Variants in FAT2 observed in about 807,000 individuals in gnomAD.
FAT2 encodes the protein protocadherin Fat 2.
A neutral mutation model predicts 295.3 loss-of-function variants in FAT2; 150 were observed. That is an observed-to-expected ratio of 0.51 (90% confidence interval 0.44 to 0.58). The LOEUF (loss-of-function observed/expected upper bound fraction) is 0.58. Among genes scored for constraint, FAT2 ranks in the 20% least tolerant of loss-of-function variants. The pLI is 0.00. For missense variants in FAT2, 4,868 were observed against 5,442.7 expected, an observed-to-expected ratio of 0.89 and a Z score of 3.32; for synonymous variants, 2,026 against 2,150.3, an observed-to-expected ratio of 0.94 and a Z score of 1.60.
Position 151,521,625 on chromosome 5 carries a change from G to A in FAT2, c.10968C>T (p.Ser3656=), listed in dbSNP as rs756429685. The part of the protein sequence containing the change: ...DHWRNLQRFL[S]HKLDIKRANI... ...TAGCCCGTTTGATGTCCAGCTTATG[G>A]CTGAGGAACCTCTGCAGGTTCCGCC... Residue 3656 remains serine (S), a synonymous_variant, in exon 19 of 24, where the codon AGC becomes AGT. Coordinates refer to ENST00000261800, the MANE Select transcript of FAT2 (RefSeq NM_001447.3). 3.7e-6 allele frequency: 6 copies of A among 1,614,022 alleles called. No homozygotes were observed. In the African/African-American group the frequency reaches 8.0e-5, roughly 22 times the overall value.
intron 1 of FAT2, among the ~76,000 whole-genome samples, chr5:151,570,478 C>A (rs986571352): frequency 3.9e-5 from 6 of 152,216 alleles, no homozygotes; most frequent in Admixed American, 6.5e-5. Flanking sequence ...TCTTGTTGAA[C>A]TGATCATGAA....
chr5:151,524,826 A>G (rs1483790952), intron 18 of FAT2, among the ~76,000 whole-genome samples: 1 of 151,954 alleles, frequency 6.6e-6, no homozygotes, highest in Non-Finnish European at 1.5e-5. Flanking sequence ...TCTCCTGCCC[A>G]CTTTTCACAT....
chr5:151,545,879 C>A lies in FAT2; in HGVS notation c.5248G>T (p.Asp1750Tyr), dbSNP rs2127613309. 2 of 1,614,194 alleles carry A rather than the reference C, an allele frequency of 1.2e-6. No homozygotes were observed. The highest frequency in any genetic ancestry group is 1.7e-6 in the Non-Finnish European group (2 of 1,180,040). The stretch of plus-strand genomic sequence containing the variant: ...AACATAGGAGCATTGTCATTTTCAT[C>A]AATTATGTCAACCACCACCATGACA... ...TDVMVVVDIIDENDNAPMFLK... is the reference protein window; with the variant it reads ...TDVMVVVDIIYENDNAPMFLK... Residue 1750 changes from aspartate (D) to tyrosine (Y), a missense_variant, in exon 10 of 24, where the codon GAT (aspartate) becomes TAT (tyrosine). Transcript: ENST00000261800.
In FAT2 at chr5:151,512,663, T is replaced by TA. The variant is rs1314999184; in HGVS notation, c.11464-58dup. The TA allele has an allele frequency of 7.0e-7, 1 of 1,438,514 alleles. No homozygotes were observed. Among genetic ancestry groups the TA allele is most frequent in the African/African-American group, 1.4e-5 (1 of 70,184 alleles). 89.1% of individuals were successfully genotyped at this position (1,438,514 alleles called of 1,614,324 possible). On this transcript the variant is annotated intron_variant, in intron 20 of 23. Transcript: ENST00000261800. The surrounding 1 kb of genome is among the most constrained non-coding windows in gnomAD (Gnocchi z 4.1). ...AGCCAAGGAGTCCTTGTAAACCTGC[T>TA]AAGAGGCTGCCAGTTCAAAGAATGT...
Position 151,568,242 on chromosome 5 carries a change from G to A in FAT2, c.690C>T (p.Ile230=). The change falls in exon 2 of 24, where the codon ATC becomes ATT. Residue 230 remains isoleucine, a synonymous_variant. Coordinates refer to ENST00000261800, the MANE Select transcript of FAT2 (RefSeq NM_001447.3). ...GGCTGCCAAACCCATTGCCCTCAGAGATTTTCCGCATGCGGTCCACAGCTA... is the reference window on the plus strand; with the variant it reads ...GGCTGCCAAACCCATTGCCCTCAGAAATTTTCCGCATGCGGTCCACAGCTA... ...QVLAVDRMRK[I]SEGNGFGSLA... 1.9e-6 allele frequency: 3 copies of A among 1,614,124 alleles called. No individual in the cohort carries two copies. The highest frequency in any genetic ancestry group is 1.1e-5 in the South Asian group (1 of 91,078).
At position 151,542,892 on chromosome 5, in the gene FAT2, G is replaced by A; in HGVS notation, c.8235C>T (p.Asp2745=). ...GCTTCCTCACCTTTATGACCCCTGT[G>A]TCTGGGTCTAGGGAGAAGACACCAT... ...NKDGVFSLDP[D]TGVIKVRKPM... is the part of the protein sequence containing the mutation. The change falls in exon 10 of 24, where the codon GAC becomes GAT. Residue 2745 remains aspartate, a synonymous_variant. Transcript: ENST00000261800. 6.2e-7 allele frequency: 1 copy of A among 1,614,158 alleles called. No individual in the cohort carries two copies. The highest frequency in any genetic ancestry group is 2.2e-5 in the East Asian group (1 of 44,880).
chr5:151,575,689 G>A (rs760335236), intron 1 of FAT2, among the ~76,000 whole-genome samples: 5 of 152,152 alleles, frequency 3.3e-5, no homozygotes, highest in Admixed American at 6.5e-5. Flanking sequence ...TCGTCTAGTA[G>A]GTGATGGATG....
At position 151,531,241 on chromosome 5, in the gene FAT2, C is replaced by T. The variant is rs1754559193; in HGVS notation, c.9811+346G>A. Among the ~76,000 whole-genome samples, 1 of 152,190 alleles carries T rather than the reference C, an allele frequency of 6.6e-6. No homozygotes were observed. The highest frequency in any genetic ancestry group is 6.5e-5 in the Admixed American group (1 of 15,284). On this transcript the variant is annotated intron_variant, in intron 14 of 23. Transcript: ENST00000261800. This position sits in a 1 kb window ranked among gnomAD's most constrained non-coding sequence, Gnocchi z 5.7. Reference sequence around the variant, plus strand: ...AAGCCCCAGATTCCAGCAAGGGCTCCCTGCCTCTGCAGCCAAGCCGTTTCT... The same window carrying T: ...AAGCCCCAGATTCCAGCAAGGGCTCTCTGCCTCTGCAGCCAAGCCGTTTCT...
In FAT2 at chr5:151,521,486, T is replaced by G; in HGVS notation, c.11107A>C (p.Ile3703Leu). ...TCCATCTCCTTGGCTGAGTGAGTGATGATGGATGCTAGCTCCTGAAACTCG... is the reference window on the plus strand; with the variant it reads ...TCCATCTCCTTGGCTGAGTGAGTGAGGATGGATGCTAGCTCCTGAAACTCG... ...FYEFQELASI[I>L]THSAKEMEHS... Residue 3703 changes from isoleucine to leucine, a missense_variant, in exon 19 of 24, where the codon ATC becomes CTC. Ile to Leu is a conservative substitution (Grantham distance 5). Around this residue, in one of 5 missense-constraint regions of FAT2, gnomAD observed 1,046 missense variants for 1,210.1 expected, o/e 0.86. Coordinates refer to ENST00000261800, the MANE Select transcript of FAT2 (RefSeq NM_001447.3). 6.2e-7 allele frequency: 1 copy of G among 1,614,236 alleles called. No individual in the cohort carries two copies. The highest frequency in any genetic ancestry group is 1.7e-5 in the Admixed American group (1 of 60,034).
At position 151,567,530 on chromosome 5, in the gene FAT2, C is replaced by T. The variant is rs762775880; in HGVS notation, c.1402G>A (p.Asp468Asn). ...FNRSSYDGTLDENIPPGTSVL... is the reference protein window; with the variant it reads ...FNRSSYDGTLNENIPPGTSVL... Reference sequence around the variant, plus strand: ...CTGGTGCCTGGAGGGATGTTCTCATCCAAGGTACCATCATAGGAAGACCTG... The same window carrying T: ...CTGGTGCCTGGAGGGATGTTCTCATTCAAGGTACCATCATAGGAAGACCTG... Residue 468 changes from aspartate to asparagine, a missense_variant, in exon 2 of 24, where the codon GAT becomes AAT. Coordinates refer to ENST00000261800, the MANE Select transcript of FAT2 (RefSeq NM_001447.3). 6.2e-7 allele frequency: 1 copy of T among 1,614,090 alleles called. No individual in the cohort carries two copies. Among genetic ancestry groups the T allele is most frequent in the South Asian group, 1.1e-5 (1 of 91,066 alleles).
chr5:151,563,237 C>G, intron 3 of FAT2, 88 bp downstream of exon 3: 1 of 1,264,970 alleles, frequency 7.9e-7, no homozygotes, highest in Non-Finnish European at 1.1e-6. Context: ...TCCAAGTTCA[C>G]AGTAATGCTG....
At chr5:151,506,269 G>A (rs1760865755) in intron 23 of FAT2, among the ~76,000 whole-genome samples, 172 bp from the exon 24 acceptor site, 7 of 152,192 alleles carry the variant, frequency 4.6e-5, no homozygotes. Context: ...GAATCCAATG[G>A]GACAAGCTCA....
At chr5:151,563,782 AC>A (rs1357498840) in intron 2 of FAT2, 143 bp from the exon 3 acceptor site, 2 of 657,170 alleles carry the variant, frequency 3.0e-6, no homozygotes, top group Non-Finnish European at 5.3e-6. Context: ...AACTGCTTCT[AC>A]CAGTATAATG....
Position 151,544,745 on chromosome 5 carries a change from T to C in FAT2, c.6382A>G (p.Lys2128Glu). Reference protein sequence around the residue: ...IDPYLGDISLKKPFDYQALNK... With the variant: ...IDPYLGDISLEKPFDYQALNK... ...AAAGCTTGATAATCAAAGGGTTTCT[T>C]GAGTGATATGTCCCCAAGATAGGGG... The change falls in exon 10 of 24, where the codon AAG (lysine) becomes GAG (glutamate). Residue 2128 changes from lysine to glutamate, a missense_variant. This residue lies in a region of FAT2 where 3,297 missense variants were observed against 3,669.4 expected (regional missense o/e 0.90). Transcript: ENST00000261800. 1 of 1,614,196 alleles carries C rather than the reference T, an allele frequency of 6.2e-7. No homozygotes were observed. Among genetic ancestry groups the C allele is most frequent in the Non-Finnish European group, 8.5e-7 (1 of 1,180,038 alleles).
Position 151,544,774 on chromosome 5 carries a change from A to G in FAT2, c.6353T>C (p.Ile2118Thr), listed in dbSNP as rs1756463028. 1.9e-6 allele frequency: 3 copies of G among 1,614,064 alleles called. No homozygotes were observed. The highest frequency in any genetic ancestry group is 2.5e-6 in the Non-Finnish European group (3 of 1,180,046). Residue 2118 changes from isoleucine (I) to threonine (T), a missense_variant, in exon 10 of 24, where the codon ATT (isoleucine) becomes ACT (threonine). Around this residue, in one of 5 missense-constraint regions of FAT2, gnomAD observed 3,297 missense variants for 3,669.4 expected, o/e 0.90. Transcript: ENST00000261800. ...EFAEDYTYFR[I>T]DPYLGDISLK... is the part of the protein sequence containing the mutation. ...TGATATGTCCCCAAGATAGGGGTCA[A>G]TTCGGAAATATGTGTAATCTTCTGC...
rs1159657145 is a variant in FAT2, at chr5:151,534,642, C to T, written c.9194G>A (p.Gly3065Glu). ...TAGGGCAGTGAGTGTGGTCAGCTCC[C>T]CTGGTCGGAGAAATGACAAAAGTTG... Reference protein sequence around the residue: ...AHEFKLDPHTGELTTLTALDR... With the variant: ...AHEFKLDPHTEELTTLTALDR... Residue 3065 changes from glycine (G) to glutamate (E), a missense_variant and splice_region_variant, in exon 13 of 24, where the codon GGG (glycine) becomes GAG (glutamate). Coordinates refer to ENST00000261800, the MANE Select transcript of FAT2 (RefSeq NM_001447.3). The T allele has an allele frequency of 2.5e-6, 4 of 1,603,052 alleles. No individual in the cohort carries two copies. The highest frequency in any genetic ancestry group is 2.2e-5 in the East Asian group (1 of 44,560).
At chr5:151,539,258 T>C (rs1025029401) in intron 11 of FAT2, among the ~76,000 whole-genome samples, 2 of 152,202 alleles carry the variant, frequency 1.3e-5, no homozygotes, top group Admixed American at 6.5e-5. Context: ...TACAGTGCTT[T>C]TATGTGACTG....
intron 12 of FAT2, among the ~76,000 whole-genome samples, chr5:151,537,122 C>T (rs1454270635): frequency 6.6e-6 from 1 of 151,022 alleles, no homozygotes; most frequent in East Asian, 1.9e-4. Flanking sequence ...TCAAATATTC[C>T]CATAGCTAGC....
rs1758260728 is a variant in FAT2, at chr5:151,566,317, G to A, written c.2615C>T (p.Thr872Ile). Residue 872 changes from threonine (T) to isoleucine (I), a missense_variant, in exon 2 of 24, where the codon ACT becomes ATT. By Grantham distance (89) the Thr-to-Ile change is moderately conservative (BLOSUM62 -1). Transcript: ENST00000261800. The stretch of plus-strand genomic sequence containing the variant: ...GTGTCCTGTAACAACCAGTTCCCCA[G>A]TGAGAGGGTGGAGGGAGAACTTCTC... The part of the protein sequence containing the change: ...PTEKFSLHPL[T>I]GELVVTGHLD... 1 of 1,614,036 alleles carries A rather than the reference G, an allele frequency of 6.2e-7. No homozygotes were observed. Among genetic ancestry groups the A allele is most frequent in the South Asian group, 1.1e-5 (1 of 91,068 alleles).
Sources: allele counts gnomAD v4.1 joint callset (sites outside exome capture counted in the v4.1 genomes callset), GRCh38; gene constraint gnomAD v4.1.1; regional missense constraint gnomAD v4.1.1; non-coding constraint Gnocchi (gnomAD v3.1); transcripts MANE v1.5; gene names NCBI Gene and HGNC (gene_info 2026-07-23, HGNC 2026-07-21).